The following TMEM178B variants were observed in gnomAD, a reference collection of about 807,000 sequenced individuals.
The protein encoded by TMEM178B is transmembrane protein 178B.
A neutral mutation model predicts 31.0 loss-of-function variants in TMEM178B; 5 were observed. That is an observed-to-expected ratio of 0.16 (90% CI 0.08 to 0.34). The LOEUF is 0.34. Ranked by LOEUF, TMEM178B falls within the 10% of genes least tolerant of loss-of-function variation. The probability of loss-of-function intolerance (pLI) is 1.00; values close to 1 mark genes in which losing one functional copy is unlikely to be tolerated. For missense variants in TMEM178B, 275 were observed against 400.3 expected (o/e 0.69, Z 2.67); for synonymous variants, 164 against 164.0 (o/e 1.00, Z 0.00).
chr7:141,150,731 T>C (rs1795959298), intron 1 of TMEM178B, among the ~76,000 whole-genome samples: 1 of 152,140 alleles, frequency 6.6e-6, no homozygotes, highest in Admixed American at 6.5e-5. Context: ...ACCAAATGAG[T>C]GAGTCCAAGT....
At chr7:141,317,643 A>G (rs1799029590) in intron 2 of TMEM178B, among the ~76,000 whole-genome samples, 1 of 152,144 alleles carries the variant, frequency 6.6e-6, no homozygotes, top group Non-Finnish European at 1.5e-5. Flanking sequence ...CAAGATAAAG[A>G]ATCTCTGTGT....
intron 1 of TMEM178B, among the ~76,000 whole-genome samples, chr7:141,157,646 A>G (rs886244484): frequency 2.0e-5 from 3 of 152,322 alleles, no homozygotes; most frequent in Non-Finnish European, 1.5e-5. Context: ...AAAAACTTTT[A>G]GTTGTAACTA....
At chr7:141,244,666 T>C (rs1797696315) in intron 2 of TMEM178B, among the ~76,000 whole-genome samples, 1 of 152,138 alleles carries the variant, frequency 6.6e-6, no homozygotes, top group African/African-American at 2.4e-5. Flanking sequence ...GAGATGCTTG[T>C]GGGCACCTGA....
chr7:141,270,068 A>C (rs1047474164), intron 2 of TMEM178B, among the ~76,000 whole-genome samples: 7 of 152,192 alleles, frequency 4.6e-5, no homozygotes, highest in South Asian at 2.1e-4. Context: ...CAGTCTCAAA[A>C]AAACAAACAA....
chr7:141,169,021 T>A (rs1796304587), intron 1 of TMEM178B, among the ~76,000 whole-genome samples: 1 of 152,236 alleles, frequency 6.6e-6, no homozygotes, highest in African/African-American at 2.4e-5. Flanking sequence ...CTTTTAAAAA[T>A]TAGTTCTTCC....
chr7:141,364,115 A>G, intron 2 of TMEM178B, among the ~76,000 whole-genome samples: 1 of 152,092 alleles, frequency 6.6e-6, no homozygotes, highest in East Asian at 1.9e-4. Context: ...CATCTTCTAG[A>G]AGTAATAGAT....
At chr7:141,268,135 A>C (rs1187543170) in intron 2 of TMEM178B, among the ~76,000 whole-genome samples, 1 of 152,220 alleles carries the variant, frequency 6.6e-6, no homozygotes, top group Non-Finnish European at 1.5e-5. Flanking sequence ...TTTGCACCAA[A>C]ATAAACTCGC....
chr7:141,334,747 A>C (rs1799354911), intron 2 of TMEM178B, among the ~76,000 whole-genome samples: 1 of 152,242 alleles, frequency 6.6e-6, no homozygotes, highest in Non-Finnish European at 1.5e-5. Flanking sequence ...AGCCATGTGT[A>C]TGCCATGTCC....
At chr7:141,191,444 C>A (rs986972514) in intron 1 of TMEM178B, among the ~76,000 whole-genome samples, 2 of 152,198 alleles carry the variant, frequency 1.3e-5, no homozygotes, top group Admixed American at 6.5e-5. Context: ...AGAGGCTGAA[C>A]AAATTTATGA....
chr7:141,363,315 A>G (rs1057332743), intron 2 of TMEM178B, among the ~76,000 whole-genome samples: 2 of 152,200 alleles, frequency 1.3e-5, no homozygotes. Context: ...TACATCACAC[A>G]TCACTTTCTT....
At chr7:141,305,663 G>A (rs920004118) in intron 2 of TMEM178B, among the ~76,000 whole-genome samples, 1 of 151,940 alleles carries the variant, frequency 6.6e-6, no homozygotes, top group Non-Finnish European at 1.5e-5. Context: ...TCAAACTCCT[G>A]ACCTCAAGTG....
chr7:141,445,150 T>G (rs999044278), intron 3 of TMEM178B, among the ~76,000 whole-genome samples: 24 of 152,284 alleles, frequency 1.6e-4, no homozygotes, highest in African/African-American at 5.8e-4. Flanking sequence ...GTGTGAGTGA[T>G]TGCAGTGATT....
At chr7:141,411,847 G>C (rs1486074097) in intron 2 of TMEM178B, among the ~76,000 whole-genome samples, 2 of 152,218 alleles carry the variant, frequency 1.3e-5, no homozygotes, top group Non-Finnish European at 2.9e-5. Flanking sequence ...GATTCTTGTG[G>C]GTTGTATTGG....
chr7:141,107,252 A>G (rs1795161877), intron 1 of TMEM178B, among the ~76,000 whole-genome samples: 1 of 152,216 alleles, frequency 6.6e-6, no homozygotes, highest in African/African-American at 2.4e-5. Flanking sequence ...GGCCACTGTC[A>G]GGTCCTGGCT....
At chr7:141,158,992 T>TA in intron 1 of TMEM178B, among the ~76,000 whole-genome samples, 1 of 152,230 alleles carries the variant, frequency 6.6e-6, no homozygotes, top group South Asian at 2.1e-4. Flanking sequence ...AGGGCTTTGA[T>TA]ACCTTTTGTG....
At chr7:141,343,290 C>T (rs1243386684) in intron 2 of TMEM178B, among the ~76,000 whole-genome samples, 5 of 152,202 alleles carry the variant, frequency 3.3e-5, no homozygotes, top group Non-Finnish European at 7.3e-5. Context: ...AACAGGACAC[C>T]TCCATGACCT....
chr7:141,390,855 TC>T (rs1217990967), intron 2 of TMEM178B, among the ~76,000 whole-genome samples: 92 of 152,222 alleles, frequency 6.0e-4, no homozygotes, highest in African/African-American at 2.1e-3. Flanking sequence ...TTGGCCAGTA[TC>T]TGAACATTGA....
chr7:141,233,382 G>A (rs747791514), intron 2 of TMEM178B, among the ~76,000 whole-genome samples: 10 of 152,178 alleles, frequency 6.6e-5, no homozygotes, highest in Non-Finnish European at 1.0e-4. Flanking sequence ...GCTGAAGGTC[G>A]AATTTCTATT....
intron 2 of TMEM178B, among the ~76,000 whole-genome samples, chr7:141,421,745 A>AATC (rs374567240): frequency 1.3e-5 from 2 of 152,168 alleles, no homozygotes; most frequent in African/African-American, 2.4e-5. Flanking sequence ...TCATCATGAT[A>AATC]ATCATCATCA....
Sources: gnomAD v4.1 joint callset for allele counts (sites outside exome capture counted in the v4.1 genomes callset) on GRCh38, gnomAD v4.1.1 for gene constraint, MANE v1.5 for transcripts, NCBI Gene and HGNC (gene_info 2026-07-23, HGNC 2026-07-21) for gene names.